Variants in AMN1 observed in about 807,000 individuals in gnomAD.
The protein encoded by AMN1 is protein AMN1 homolog.
Under a neutral mutation model 33.0 loss-of-function variants are expected in AMN1, and 20 were observed. That is an observed-to-expected ratio of 0.61 (90% confidence interval 0.43 to 0.88). The LOEUF (loss-of-function observed/expected upper bound fraction) is 0.88, where lower values mean the gene tolerates loss of function less well. AMN1 is among the 40% of genes least tolerant of loss of function. The pLI is 0.00. For missense variants in AMN1, 246 were observed against 307.4 expected (o/e 0.80, Z 1.49); for synonymous variants, 114 against 111.9 (o/e 1.02, Z -0.12).
intron 1 of AMN1, chr12:31,714,986 TGAACA>T: frequency 1.3e-6 from 1 of 770,406 alleles, no homozygotes. Flanking sequence ...GATTAAAAAA[TGAACA>T]AATATTCCGT....
chr12:31,689,530 A>T (rs1565767109), intron 5 of AMN1, among the ~76,000 whole-genome samples: 1 of 152,228 alleles, frequency 6.6e-6, no homozygotes, highest in Non-Finnish European at 1.5e-5. Context: ...ATCTACTTGT[A>T]TTAATAGACA....
chr12:31,679,908 T>C (rs1233205549), intron 6 of AMN1, among the ~76,000 whole-genome samples: 1 of 151,976 alleles, frequency 6.6e-6, no homozygotes, highest in East Asian at 2.0e-4. Flanking sequence ...GCAGATCACC[T>C]GAGGTCAGGA....
chr12:31,697,471 A>G (rs1938782270), intron 4 of AMN1, 54 bp from the exon 5 acceptor site: 1 of 1,540,310 alleles, frequency 6.5e-7, no homozygotes, highest in Non-Finnish European at 8.9e-7. Context: ...CGGAAGTAGA[A>G]TTTTCCAAAA....
At chr12:31,700,236 A>G (rs1011490116) in intron 3 of AMN1, among the ~76,000 whole-genome samples, 2 of 151,762 alleles carry the variant, frequency 1.3e-5, no homozygotes, top group African/African-American at 2.4e-5. Context: ...GGTGGTGCAC[A>G]TCTGCGGTCC....
intron 2 of AMN1, among the ~76,000 whole-genome samples, chr12:31,707,579 G>A (rs994809889): frequency 1.3e-5 from 2 of 152,126 alleles, no homozygotes; most frequent in South Asian, 2.1e-4. Flanking sequence ...CTAATGAATT[G>A]TTTGATAACC....
At chr12:31,698,290 C>T (rs565106657) in intron 3 of AMN1, among the ~76,000 whole-genome samples, 5 of 152,174 alleles carry the variant, frequency 3.3e-5, no homozygotes, top group Admixed American at 3.3e-4. Context: ...TTGGTTAAAA[C>T]AAAAATTTTC....
At position 31,675,422 on chromosome 12, in the gene AMN1, A is replaced by T. The variant is rs182464477; in HGVS notation, c.704-3045T>A. Among the ~76,000 whole-genome samples the T allele has an allele frequency of 1.6e-4, 24 of 151,922 alleles. No homozygotes were observed. In the East Asian group the frequency reaches 3.9e-3, roughly 24 times the overall value. ...GCAACAGAGCAAGACCCTGTCTCAA[A>T]AACAAACAAGAAAAACCTATAGCTA... is the stretch of plus-strand genomic sequence containing the variant. On this transcript the variant is annotated intron_variant, in intron 6 of 6. Coordinates refer to ENST00000281471, the MANE Select transcript of AMN1 (RefSeq NM_001113402.2).
intron 6 of AMN1, 192 bp from the exon 7 acceptor site, chr12:31,672,569 G>C: frequency 2.0e-6 from 1 of 497,386 alleles, no homozygotes; most frequent in African/African-American, 1.9e-5. Context: ...ATTAGGTGTA[G>C]TGCACCTATC....
chr12:31,675,021 CAAAA>C (rs61067188), intron 6 of AMN1, among the ~76,000 whole-genome samples: 1 of 129,872 alleles, frequency 7.7e-6, no homozygotes, highest in South Asian at 2.4e-4. Context: ...GACCCAGTGT[CAAAA>C]AAAAAAAAAA....
chr12:31,710,154 A>T (rs764935800), intron 1 of AMN1, among the ~76,000 whole-genome samples: 39 of 152,322 alleles, frequency 2.6e-4, no homozygotes, highest in Non-Finnish European at 5.4e-4. Flanking sequence ...AAAGAACCAT[A>T]ACCACAAAGA....
rs1951267760 is a variant in AMN1 at position 31,671,372 on chromosome 12, T to C, written c.*932A>G. The stretch of plus-strand genomic sequence containing the variant: ...AGAAAGTTAGCATACTTACCCCGTT[T>C]TTCACTACATCAGAGGCAAAATAAG... On this transcript the variant is annotated 3_prime_UTR_variant, in exon 7 of 7. Transcript: ENST00000281471. 6.6e-6 allele frequency: 1 copy of C among 152,172 alleles called. No individual in the cohort carries two copies. Among genetic ancestry groups the C allele is most frequent in the Non-Finnish European group, 1.5e-5 (1 of 68,030 alleles). The allele number at this position is 152,172 out of a possible 1,614,324, so 9.4% of individuals were successfully genotyped here.
At chr12:31,720,734 T>C (rs930130696) in intron 1 of AMN1, among the ~76,000 whole-genome samples, 5 of 152,228 alleles carry the variant, frequency 3.3e-5, no homozygotes, top group Non-Finnish European at 7.3e-5. Context: ...TTGTAGTATG[T>C]ATCAGTATTT....
At chr12:31,692,387 G>A (rs1460912361) in intron 5 of AMN1, among the ~76,000 whole-genome samples, 1 of 151,182 alleles carries the variant, frequency 6.6e-6, no homozygotes, top group Non-Finnish European at 1.5e-5. Flanking sequence ...AACCCGGGAG[G>A]TGGAGGTTGC....
intron 5 of AMN1, among the ~76,000 whole-genome samples, chr12:31,694,361 G>A (rs1938630250): frequency 6.7e-6 from 1 of 149,768 alleles, no homozygotes; most frequent in African/African-American, 2.5e-5. Flanking sequence ...AGAATTGCTT[G>A]TACCTGGGAG....
At chr12:31,694,700 T>C (rs2200232) in intron 5 of AMN1, among the ~76,000 whole-genome samples, 106,924 of 151,998 alleles carry the variant, frequency 0.7, 38,152 homozygotes, top group East Asian at 0.87. Flanking sequence ...AAGCCATGAT[T>C]GTGCCACTGT....
chr12:31,697,830 T>C lies in AMN1; in HGVS notation c.444A>G (p.Leu148=). 4.3e-6 allele frequency: 7 copies of C among 1,614,032 alleles called. No individual in the cohort carries two copies. Among genetic ancestry groups the C allele is most frequent in the Non-Finnish European group, 5.9e-6 (7 of 1,179,880 alleles). The stretch of plus-strand genomic sequence containing the variant: ...CATCAGTAATACTTAAGCAGCCACC[T>C]AAATCGATGATCTTTAGCAGCTGGC... ...LNCQLLKIID[L]GGCLSITDVS... The change falls in exon 4 of 7, where the codon TTA becomes TTG. Residue 148 remains leucine, a synonymous_variant. Transcript: ENST00000281471.
In AMN1 at chr12:31,697,799, A is replaced by G. The variant is rs1442662015; in HGVS notation, c.475T>C (p.Leu159=). 2 of 1,614,014 alleles carry G rather than the reference A, an allele frequency of 1.2e-6. No individual in the cohort carries two copies. Among genetic ancestry groups the G allele is most frequent in the Non-Finnish European group, 1.7e-6 (2 of 1,179,870 alleles). The change falls in exon 4 of 7, where the codon TTA becomes CTA. Residue 159 remains leucine (L), a synonymous_variant. Transcript: ENST00000281471. The part of the protein sequence containing the change: ...GGCLSITDVS[L]HALGKNCPFL... ...GGGCAGTTTTTTCCTAATGCATGTA[A>G]GGACACATCAGTAATACTTAAGCAG... is the stretch of plus-strand genomic sequence containing the variant.
chr12:31,727,897 AATTTTTGT>A (rs1940142966), intron 1 of AMN1, among the ~76,000 whole-genome samples: 1 of 151,946 alleles, frequency 6.6e-6, no homozygotes, highest in African/African-American at 2.4e-5. Flanking sequence ...ACTCCTGGCT[AATTTTTGT>A]ATTTTTAGTA....
intron 1 of AMN1, among the ~76,000 whole-genome samples, chr12:31,718,813 G>A (rs773353687): frequency 9.2e-5 from 14 of 152,244 alleles, no homozygotes; most frequent in Non-Finnish European, 1.9e-4. Context: ...TTGCTGAGCT[G>A]TAGTGGGCTC....
Sources: gnomAD v4.1 joint callset for allele counts (sites outside exome capture counted in the v4.1 genomes callset) on GRCh38, gnomAD v4.1.1 for gene constraint, MANE v1.5 for transcripts, NCBI Gene and HGNC (gene_info 2026-07-23, HGNC 2026-07-21) for gene names.